The following ACOX1 variants were observed in gnomAD, a reference collection of about 807,000 sequenced individuals.
ACOX1 encodes acyl-CoA oxidase 1.
Under a neutral mutation model 75.5 loss-of-function variants are expected in ACOX1, and 41 were observed. That is an observed-to-expected ratio of 0.54 (90% CI 0.42 to 0.70). The LOEUF is 0.70. Among genes scored for constraint, ACOX1 ranks in the 30% least tolerant of loss-of-function variants. The pLI is 0.00. For synonymous variants in ACOX1, 303 were observed against 298.8 expected (o/e 1.01, Z -0.15); for missense variants, 630 against 837.5 (o/e 0.75, Z 3.06).
At chr17:75,965,161 C>T (rs150018813) in intron 2 of ACOX1, among the ~76,000 whole-genome samples, 42 of 152,038 alleles carry the variant, frequency 2.8e-4, no homozygotes, top group African/African-American at 9.4e-4. Flanking sequence ...CACGGCGAAA[C>T]CCCATCTCTA....
chr17:75,959,216 T>C (rs73355731), intron 3 of ACOX1, among the ~76,000 whole-genome samples: 2 of 152,224 alleles, frequency 1.3e-5, no homozygotes, highest in East Asian at 3.8e-4. Flanking sequence ...AACCAACTTA[T>C]GTGCAATCCA....
Position 75,960,278 on chromosome 17 carries a change from A to G in ACOX1, c.367T>C (p.Phe123Leu). 4 of 1,614,238 alleles carry G rather than the reference A, an allele frequency of 2.5e-6. No homozygotes were observed. Among genetic ancestry groups the G allele is most frequent in the Non-Finnish European group, 3.4e-6 (4 of 1,180,040 alleles). Residue 123 changes from phenylalanine to leucine, a missense_variant, in exon 3 of 14, where the codon TTC becomes CTC. Transcript: ENST00000293217. This position sits in a 1 kb window ranked among gnomAD's most constrained non-coding sequence, Gnocchi z 4.4. ...TCCAAGTTCCAGGCGGGCATGAAGA[A>G]GCGCTCCTGCTGCTCCGCAGTTGCC... ...HQATAEQQER[F>L]FMPAWNLEII...
chr17:75,951,596 GA>G lies in ACOX1; in HGVS notation c.945-20del. ...TGGTTCACTACGTGACATAGAAAAA[GA>G]AAAAAAGTAGTAAGTAAATGTTTAT... On this transcript the variant is annotated intron_variant, in intron 7 of 13. Transcript: ENST00000293217. 5.6e-6 allele frequency: 9 copies of G among 1,611,820 alleles called. No homozygotes were observed. The highest frequency in any genetic ancestry group is 7.6e-6 in the Non-Finnish European group (9 of 1,179,140).
intron 11 of ACOX1, 50 bp from the exon 12 acceptor site, chr17:75,949,410 C>CA: frequency 6.2e-7 from 1 of 1,613,090 alleles, no homozygotes; most frequent in Non-Finnish European, 8.5e-7. Flanking sequence ...GAAAAAGATT[C>CA]AATATACAGT....
chr17:75,962,979 A>C (rs1397374680), intron 2 of ACOX1, among the ~76,000 whole-genome samples: 6 of 152,064 alleles, frequency 3.9e-5, no homozygotes, highest in Admixed American at 3.9e-4. Context: ...AAAAATACAA[A>C]AACTAGCTGG....
In ACOX1 at chr17:75,946,392, T is replaced by C; in HGVS notation, c.*356A>G. On this transcript the variant is annotated 3_prime_UTR_variant, in exon 14 of 14. Coordinates refer to ENST00000293217, the MANE Select transcript of ACOX1 (RefSeq NM_004035.7). ...AAATACCTTTGCTTAAAAACACTTATATAGCCAGTGATTAGCAATTAAAAT... is the reference window on the plus strand; with the variant it reads ...AAATACCTTTGCTTAAAAACACTTACATAGCCAGTGATTAGCAATTAAAAT... 3 of 349,066 alleles carry C rather than the reference T, an allele frequency of 8.6e-6. No individual in the cohort carries two copies. Among genetic ancestry groups the C allele is most frequent in the South Asian group, 2.3e-5 (1 of 42,716 alleles). The allele number at this position is 349,066 out of a possible 1,614,324, so 21.6% of individuals were successfully genotyped here.
At chr17:75,967,672 A>ATATATATACATACATATATATACG (rs2065948148) in intron 2 of ACOX1, among the ~76,000 whole-genome samples, 1 of 94,262 alleles carries the variant, frequency 1.1e-5, no homozygotes, top group Admixed American at 9.7e-5. Context: ...ATATATATAC[A>ATATATATACATACATATATATACG]TATATATACG....
chr17:75,958,914 C>T (rs1166888170), intron 3 of ACOX1, among the ~76,000 whole-genome samples: 1 of 151,896 alleles, frequency 6.6e-6, no homozygotes, highest in Non-Finnish European at 1.5e-5. Context: ...TCTCAGTTGA[C>T]CCTAGAGATT....
Position 75,978,451 on chromosome 17 carries a change from A to G in ACOX1, c.269+83T>C, listed in dbSNP as rs1337574767. Reference sequence around the variant, plus strand: ...TGCCAGTTTGCATCTTCAAACACCAAGCACGGTGATGAAAGGCCACCATAG... The same window carrying G: ...TGCCAGTTTGCATCTTCAAACACCAGGCACGGTGATGAAAGGCCACCATAG... On this transcript the variant is annotated intron_variant, in intron 2 of 13. Transcript: ENST00000293217. The surrounding 1 kb of genome is among the most constrained non-coding windows in gnomAD (Gnocchi z 4.2). 1 of 1,553,460 alleles carries G rather than the reference A, an allele frequency of 6.4e-7. No individual in the cohort carries two copies. Among genetic ancestry groups the G allele is most frequent in the Non-Finnish European group, 8.9e-7 (1 of 1,126,258 alleles).
At position 75,967,658 on chromosome 17, in the gene ACOX1, A is replaced by G. The variant is rs370704708; in HGVS notation, c.270-7283T>C. 1.0e-3 allele frequency among the ~76,000 whole-genome samples: 100 copies of G among 96,226 alleles called. 1 individual carries two copies. Among genetic ancestry groups the G allele is most frequent in the Admixed American group, 1.5e-3 (16 of 10,440 alleles). The allele number at this position is 96,226 out of a possible 152,430, so 63.1% of individuals were successfully genotyped here. On this transcript the variant is annotated intron_variant, in intron 2 of 13. Transcript: ENST00000293217. ...TACATATATATACGTATATATATAC[A>G]TACATATATATACATATATATACGT...
chr17:75,946,706 C>T lies in ACOX1; in HGVS notation c.*42G>A, dbSNP rs755438508. 3 of 1,592,146 alleles carry T rather than the reference C, an allele frequency of 1.9e-6. No individual in the cohort carries two copies. The highest frequency in any genetic ancestry group is 2.6e-6 in the Non-Finnish European group (3 of 1,160,540). On this transcript the variant is annotated 3_prime_UTR_variant, in exon 14 of 14. Transcript: ENST00000293217. Reference sequence around the variant, plus strand: ...GATTCCACAAAATTTGAGTTGCACACAGGCGCTTTCTGAAGCAGATTAAAC... The same window carrying T: ...GATTCCACAAAATTTGAGTTGCACATAGGCGCTTTCTGAAGCAGATTAAAC...
At chr17:75,954,513 T>C (rs2065804855) in intron 6 of ACOX1, among the ~76,000 whole-genome samples, 1 of 127,526 alleles carries the variant, frequency 7.8e-6, no homozygotes, top group Admixed American at 7.9e-5. Flanking sequence ...ACAGAGACTC[T>C]CTCTCTCAAA....
rs746235688 is a variant in ACOX1 at position 75,946,316 on chromosome 17, T to G, written c.*432A>C. On this transcript the variant is annotated 3_prime_UTR_variant, in exon 14 of 14. Coordinates refer to ENST00000293217, the MANE Select transcript of ACOX1 (RefSeq NM_004035.7). ...CTTTTAAGCCAGGCCCCAGGGTAAG[T>G]CTGGTAGAACACTGAGCAGGAAAGC... The G allele has an allele frequency of 4.6e-6, 1 of 215,934 alleles. No homozygotes were observed. The highest frequency in any genetic ancestry group is 1.2e-4 in the East Asian group (1 of 8,184). 13.4% of individuals were successfully genotyped at this position (215,934 alleles called of 1,614,324 possible). A position where few individuals can be genotyped will look rare whatever the true frequency, so the allele number is the denominator to read the frequency against.
At chr17:75,966,136 GA>G (rs199647346) in intron 2 of ACOX1, among the ~76,000 whole-genome samples, 7 of 146,846 alleles carry the variant, frequency 4.8e-5, no homozygotes, top group African/African-American at 1.5e-4. Context: ...TCTCGAAAAA[GA>G]AAAAAAATAA....
intron 2 of ACOX1, among the ~76,000 whole-genome samples, chr17:75,966,572 G>T (rs1410366082): frequency 6.6e-6 from 1 of 152,146 alleles, no homozygotes; most frequent in African/African-American, 2.4e-5. Flanking sequence ...GGGAGGCCGA[G>T]GTGGGTGAAT....
intron 7 of ACOX1, among the ~76,000 whole-genome samples, chr17:75,951,962 G>A (rs1332134156): frequency 6.6e-6 from 1 of 152,068 alleles, no homozygotes; most frequent in Non-Finnish European, 1.5e-5. Context: ...TTACAGGCAT[G>A]AGCCACGGTG....
chr17:75,968,888 C>T (rs915843584), intron 2 of ACOX1, among the ~76,000 whole-genome samples: 1 of 150,148 alleles, frequency 6.7e-6, no homozygotes, highest in African/African-American at 2.5e-5. Flanking sequence ...CGCCACTGCA[C>T]TCCAGCCTGA....
chr17:75,963,025 G>A (rs948711715), intron 2 of ACOX1, among the ~76,000 whole-genome samples: 1 of 152,072 alleles, frequency 6.6e-6, no homozygotes, highest in Non-Finnish European at 1.5e-5. Flanking sequence ...CAGCTACTTG[G>A]GAGGCTGAGG....
intron 7 of ACOX1, among the ~76,000 whole-genome samples, chr17:75,952,297 AATTATT>A (rs560148490): frequency 6.6e-6 from 1 of 151,910 alleles, no homozygotes. Flanking sequence ...TTAAAAATGT[AATTATT>A]ATTATTATTT....
Sources: gnomAD v4.1 joint callset for allele counts (sites outside exome capture counted in the v4.1 genomes callset) on GRCh38, gnomAD v4.1.1 for gene constraint, Gnocchi (gnomAD v3.1) non-coding constraint, MANE v1.5 for transcripts, NCBI Gene and HGNC (gene_info 2026-07-23, HGNC 2026-07-21) for gene names.